MYO5A: variants seen among roughly 807,000 people sequenced by gnomAD.
MYO5A encodes the protein myosin VA, also known as unconventional myosin-Va.
A neutral mutation model predicts 249.7 loss-of-function variants in MYO5A; 98 were observed. The ratio of observed to expected loss-of-function variants is 0.39; its 90% CI spans 0.33 to 0.46. The LOEUF is 0.46. Among genes scored for constraint, MYO5A ranks in the 20% least tolerant of loss-of-function variants. The probability of loss-of-function intolerance (pLI) is 0.98; values close to 1 mark genes in which losing one functional copy is unlikely to be tolerated. For missense variants in MYO5A, 1,696 were observed against 2,308.8 expected (o/e 0.73, Z 5.44); for synonymous variants, 778 against 810.6 (o/e 0.96, Z 0.68).
intron 6 of MYO5A, among the ~76,000 whole-genome samples, chr15:52,409,724 A>G (rs1259607355): frequency 1.3e-5 from 2 of 152,202 alleles, no homozygotes; most frequent in Non-Finnish European, 2.9e-5. Flanking sequence ...CCATACCTAT[A>G]AATATATAAA....
chr15:52,353,870 C>T lies in MYO5A; in HGVS notation c.3567+1G>A. 1 of 1,613,822 alleles carries T rather than the reference C, an allele frequency of 6.2e-7. No individual in the cohort carries two copies. The highest frequency in any genetic ancestry group is 2.2e-5 in the East Asian group (1 of 44,886). On this transcript the variant is annotated splice_donor_variant, in intron 26 of 41. Coordinates refer to ENST00000399233, the MANE Select transcript of MYO5A (RefSeq NM_001382347.1). LOFTEE classifies it high-confidence loss of function. ...CTCTGCGGATGGGCTGTGCTGCGCA[C>T]CTTGGCCTTGCTGCGGAGCACCTGC...
chr15:52,526,963 A>C (rs1383317163), intron 1 of MYO5A, among the ~76,000 whole-genome samples: 1 of 152,172 alleles, frequency 6.6e-6, no homozygotes, highest in Non-Finnish European at 1.5e-5. Context: ...GCCACACTGG[A>C]AGAAGAATTT....
intron 25 of MYO5A, among the ~76,000 whole-genome samples, chr15:52,357,711 C>A (rs2040315282): frequency 6.6e-6 from 1 of 152,144 alleles, no homozygotes; most frequent in African/African-American, 2.4e-5. Flanking sequence ...GAGATGCTAT[C>A]AAATTAAAGA....
At chr15:52,404,144 G>A (rs1595608996) in intron 9 of MYO5A, among the ~76,000 whole-genome samples, 1 of 151,884 alleles carries the variant, frequency 6.6e-6, no homozygotes, top group Non-Finnish European at 1.5e-5. Context: ...GTACACCTGT[G>A]GTCCCAGCTA....
At chr15:52,417,380 T>C (rs932026882) in intron 4 of MYO5A, among the ~76,000 whole-genome samples, 3 of 152,226 alleles carry the variant, frequency 2.0e-5, no homozygotes, top group Admixed American at 6.5e-5. Flanking sequence ...TAAAATATTT[T>C]AAATTACCAG....
At chr15:52,524,899 C>A (rs1156664218) in intron 1 of MYO5A, among the ~76,000 whole-genome samples, 16 of 103,454 alleles carry the variant, frequency 1.5e-4, no homozygotes, top group Admixed American at 1.2e-3. Context: ...AAAAAAAAAC[C>A]CAGCTTCAAG....
intron 1 of MYO5A, among the ~76,000 whole-genome samples, chr15:52,455,714 A>C (rs1380558735): frequency 6.6e-6 from 1 of 152,014 alleles, no homozygotes; most frequent in Non-Finnish European, 1.5e-5. Context: ...CAAAAACCAT[A>C]TGATCATTTT....
chr15:52,473,443 G>T (rs1180972303), intron 1 of MYO5A, among the ~76,000 whole-genome samples: 2 of 152,146 alleles, frequency 1.3e-5, no homozygotes, highest in Non-Finnish European at 2.9e-5. Context: ...CATTGCTTTT[G>T]GTGTTTTAGA....
rs150473831 is a variant in MYO5A at position 52,413,553 on chromosome 15, C to T, written c.612+2592G>A. 2.6e-3 allele frequency among the ~76,000 whole-genome samples: 390 copies of T among 152,264 alleles called. 2 individuals carry two copies. Among genetic ancestry groups the T allele is most frequent in the Admixed American group, 4.8e-3 (73 of 15,304 alleles). On this transcript the variant is annotated intron_variant, in intron 5 of 41. Coordinates refer to ENST00000399233, the MANE Select transcript of MYO5A (RefSeq NM_001382347.1). Reference sequence around the variant, plus strand: ...TATCCTATGAGGAGTTTCAGCAGATCACTGGAGACGCCGATATGCCTTTCC... The same window carrying T: ...TATCCTATGAGGAGTTTCAGCAGATTACTGGAGACGCCGATATGCCTTTCC...
intron 9 of MYO5A, among the ~76,000 whole-genome samples, chr15:52,405,050 G>GAC (rs1567094605): frequency 3.8e-4 from 15 of 39,772 alleles, no homozygotes; most frequent in African/African-American, 1.2e-3. Context: ...CTCTCTCTCT[G>GAC]TCACACACAC....
chr15:52,380,669 A>G (rs1567070685), intron 16 of MYO5A, among the ~76,000 whole-genome samples: 1 of 152,094 alleles, frequency 6.6e-6, no homozygotes, highest in Admixed American at 6.5e-5. Context: ...CCAGAGGCTG[A>G]GGCAGGAGAA....
intron 1 of MYO5A, among the ~76,000 whole-genome samples, chr15:52,437,351 T>C (rs1169780261): frequency 1.3e-5 from 2 of 152,124 alleles, no homozygotes; most frequent in Admixed American, 1.3e-4. Context: ...TCCCAGCTCT[T>C]TGGGAGGCTT....
chr15:52,459,978 C>T (rs922360881), intron 1 of MYO5A, among the ~76,000 whole-genome samples: 2 of 151,800 alleles, frequency 1.3e-5, no homozygotes, highest in African/African-American at 4.8e-5. Flanking sequence ...GGGGTGGCGG[C>T]GGGGCAGAGA....
At chr15:52,336,234 G>A (rs2039111628) in intron 34 of MYO5A, among the ~76,000 whole-genome samples, 1 of 152,192 alleles carries the variant, frequency 6.6e-6, no homozygotes, top group African/African-American at 2.4e-5. Context: ...TTCATTAGAT[G>A]CTTACAGAGT....
At chr15:52,460,656 T>TGCGAGGGCGAGG (rs150007594) in intron 1 of MYO5A, among the ~76,000 whole-genome samples, 27 of 151,698 alleles carry the variant, frequency 1.8e-4, no homozygotes, top group Admixed American at 7.2e-4. Flanking sequence ...ACGAGGACCG[T>TGCGAGGGCGAGG]GCGAGGGCGA....
intron 1 of MYO5A, among the ~76,000 whole-genome samples, chr15:52,520,782 A>T (rs1432061134): frequency 1.3e-5 from 2 of 152,218 alleles, no homozygotes; most frequent in Non-Finnish European, 2.9e-5. Context: ...TAATACCATA[A>T]CTTGAAGTGA....
chr15:52,449,123 C>G (rs2075961861), intron 1 of MYO5A, among the ~76,000 whole-genome samples: 1 of 151,832 alleles, frequency 6.6e-6, no homozygotes, highest in Non-Finnish European at 1.5e-5. Flanking sequence ...CACGTGCCAC[C>G]ACGCCTGGCT....
At chr15:52,427,359 ATAAG>A (rs2075418308) in intron 3 of MYO5A, among the ~76,000 whole-genome samples, 1 of 152,174 alleles carries the variant, frequency 6.6e-6, no homozygotes, top group South Asian at 2.1e-4. Context: ...AATTAACAAG[ATAAG>A]TAAGAAAATA....
At chr15:52,409,849 T>C (rs114133554) in intron 6 of MYO5A, among the ~76,000 whole-genome samples, 73,037 of 151,840 alleles carry the variant, frequency 0.48, 20,852 homozygotes, top group Non-Finnish European at 0.63. Flanking sequence ...CATCAACTGT[T>C]TTTTTGATAG....
Sources: allele counts gnomAD v4.1 joint callset (sites outside exome capture counted in the v4.1 genomes callset), GRCh38; gene constraint gnomAD v4.1.1; transcripts MANE v1.5; gene names NCBI Gene and HGNC (gene_info 2026-07-23, HGNC 2026-07-21).